The following EDARADD variants were observed in gnomAD, a reference collection of about 807,000 sequenced individuals.
The protein encoded by EDARADD is EDAR associated via death domain, also known as ectodysplasin-A receptor-associated adapter protein.
Under a neutral mutation model 25.6 loss-of-function variants are expected in EDARADD, and 20 were observed. The ratio of observed to expected loss-of-function variants is 0.78; its 90% confidence interval spans 0.55 to 1.14. The LOEUF (loss-of-function observed/expected upper bound fraction) is 1.14, where lower values mean the gene tolerates loss of function less well. Among genes scored for constraint, EDARADD ranks in the 50% most tolerant of loss-of-function variants. The pLI is 0.00. For missense variants in EDARADD, 225 were observed against 270.1 expected (o/e 0.83, Z 1.17); for synonymous variants, 86 against 94.4 (o/e 0.91, Z 0.52).
intron 3 of EDARADD, among the ~76,000 whole-genome samples, chr1:236,419,407 A>G (rs533235472): frequency 6.6e-6 from 1 of 152,286 alleles, no homozygotes; most frequent in African/African-American, 2.4e-5. Context: ...CAACAAAAAC[A>G]AAACTAAAAC....
chr1:236,393,836 A>C (rs895290790), upstream of EDARADD, among the ~76,000 whole-genome samples: 2 of 152,188 alleles, frequency 1.3e-5, no homozygotes, highest in African/African-American at 4.8e-5. Context: ...TTTTTTTGTA[A>C]AGTGCAAAAC....
chr1:236,393,391 C>CTTTCTTTTTTTTTTTTTTT (rs1553264552), upstream of EDARADD, among the ~76,000 whole-genome samples: 4 of 87,212 alleles, frequency 4.6e-5, no homozygotes, highest in African/African-American at 2.1e-4. Context: ...TTCTTTCTTT[C>CTTTCTTTTTTTTTTTTTTT]TTTTTTTTTT....
At chr1:236,391,302 C>T (rs114002031), upstream of EDARADD, among the ~76,000 whole-genome samples, 695 of 152,258 alleles carry the variant, frequency 4.6e-3, 5 homozygotes, top group African/African-American at 0.016. Flanking sequence ...CAGTGATTCT[C>T]AAGAAGAAAA....
At chr1:236,393,391 C>CTTTTTTTTTTTTTTTTT (rs761525038), upstream of EDARADD, among the ~76,000 whole-genome samples, 44 of 87,198 alleles carry the variant, frequency 5.0e-4, 4 homozygotes, top group African/African-American at 1.5e-3. Flanking sequence ...TTCTTTCTTT[C>CTTTTTTTTTTTTTTTTT]TTTTTTTTTT....
intron 3 of EDARADD, among the ~76,000 whole-genome samples, chr1:236,361,959 T>A (rs1467557602): frequency 6.6e-6 from 1 of 152,070 alleles, no homozygotes; most frequent in Non-Finnish European, 1.5e-5. Flanking sequence ...GGTAGACGTA[T>A]GTTTAACATT....
rs143753343 is a variant in EDARADD at position 236,457,606 on chromosome 1, G to A, written c.220-10625G>A. 7.2e-5 allele frequency among the ~76,000 whole-genome samples: 11 copies of A among 152,142 alleles called. No homozygotes were observed. In the East Asian group the frequency reaches 2.1e-3, roughly 29 times the overall value. On this transcript the variant is annotated intron_variant, in intron 4 of 5. Coordinates refer to ENST00000334232, the MANE Select transcript of EDARADD (RefSeq NM_145861.4). ...GAGGCTGAGGGGGGCGGACGAAGAGGTCAGGAGATAGAGACCATCCTGGCC... is the reference window on the plus strand; with the variant it reads ...GAGGCTGAGGGGGGCGGACGAAGAGATCAGGAGATAGAGACCATCCTGGCC...
chr1:236,476,147 G>A (rs957910870), intron 5 of EDARADD, among the ~76,000 whole-genome samples: 6 of 151,944 alleles, frequency 3.9e-5, no homozygotes, highest in African/African-American at 9.7e-5. Context: ...AGACAAAATC[G>A]TGCCATTGCA....
At position 236,409,122 on chromosome 1, in the gene EDARADD, T is replaced by C. The variant is rs1667790718; in HGVS notation, c.62-94T>C. The C allele has an allele frequency of 8.1e-6, 6 of 736,944 alleles. No homozygotes were observed. The South Asian group carries it at 1.2e-4, about 15-fold the overall frequency. 45.7% of individuals were successfully genotyped at this position (736,944 alleles called of 1,614,324 possible). ...TTTTCTTCAGCCTAAGTAAAATTAC[T>C]TGCCTCTGTATAGAGACAGTTATCA... On this transcript the variant is annotated intron_variant, in intron 1 of 5. Coordinates refer to ENST00000334232, the MANE Select transcript of EDARADD (RefSeq NM_145861.4).
intron 4 of EDARADD, among the ~76,000 whole-genome samples, chr1:236,435,089 AGG>A: frequency 6.6e-6 from 1 of 152,170 alleles, no homozygotes; most frequent in Non-Finnish European, 1.5e-5. Flanking sequence ...TACTGTGCTT[AGG>A]ATTCATGCAT....
intron 3 of EDARADD, among the ~76,000 whole-genome samples, chr1:236,362,934 G>C (rs1667066354): frequency 7.1e-6 from 1 of 141,268 alleles, no homozygotes. Context: ...GGGAAGCTGA[G>C]GTCAGAGAAT....
rs60808129 is a variant in EDARADD, at chr1:236,394,504, G to C, written c.60G>C (p.Glu20Asp). ...GCACTAAAGCTCCTGGTCACCAAGA[G>C]GGTATGTAGGCATTTGCTGTCTTCC... ...GRGTKAPGHQ[E>D]DHMVKEPVED... The change falls in exon 1 of 6, where the codon GAG (glutamate) becomes GAC (aspartate). Residue 20 changes from glutamate to aspartate, a missense_variant and splice_region_variant. By Grantham distance (45) the Glu-to-Asp change is conservative. Coordinates refer to ENST00000334232, the MANE Select transcript of EDARADD (RefSeq NM_145861.4). The C allele has an allele frequency of 6.2e-7, 1 of 1,612,894 alleles. No individual in the cohort carries two copies. Among genetic ancestry groups the C allele is most frequent in the African/African-American group, 1.3e-5 (1 of 74,888 alleles).
At chr1:236,468,448 AC>A (rs1167917017) in intron 5 of EDARADD, among the ~76,000 whole-genome samples, 172 bp downstream of exon 5, 14 of 151,730 alleles carry the variant, frequency 9.2e-5, no homozygotes, top group African/African-American at 3.1e-4. Flanking sequence ...ACATGGTAAA[AC>A]CCCGTCTCTA....
At chr1:236,353,005 G>A (rs550318502) in intron 3 of EDARADD, among the ~76,000 whole-genome samples, 5 of 131,520 alleles carry the variant, frequency 3.8e-5, no homozygotes, top group African/African-American at 8.2e-5. Context: ...GCAAGACTCC[G>A]TCTCTAAAAA....
rs1307926920 is a variant in EDARADD at position 236,482,525 on chromosome 1, C to T, written c.524C>T (p.Thr175Met). ...LEFLLRNSQR[T>M]VGQLMELCRL... The stretch of plus-strand genomic sequence containing the variant: ...TTCTTGCTCCGGAACAGTCAGAGGA[C>T]GGTGGGCCAGCTGATGGAGCTCTGC... The change falls in exon 6 of 6, where the codon ACG becomes ATG. Residue 175 changes from threonine (T) to methionine (M), a missense_variant. Transcript: ENST00000334232. 18 of 1,612,886 alleles carry T rather than the reference C, an allele frequency of 1.1e-5. No homozygotes were observed. Among genetic ancestry groups the T allele is most frequent in the Admixed American group, 1.7e-5 (1 of 59,978 alleles).
chr1:236,423,126 G>A (rs1185253641), intron 3 of EDARADD, among the ~76,000 whole-genome samples: 1 of 152,166 alleles, frequency 6.6e-6, no homozygotes, highest in Non-Finnish European at 1.5e-5. Flanking sequence ...GGGTCCTAGT[G>A]GGACTGCCTG....
chr1:236,476,339 A>C (rs1659503559), intron 5 of EDARADD, among the ~76,000 whole-genome samples: 1 of 152,174 alleles, frequency 6.6e-6, no homozygotes, highest in South Asian at 2.1e-4. Context: ...ACACCATTAC[A>C]TGTAATTCTG....
chr1:236,453,534 C>T (rs1446726667), intron 4 of EDARADD, among the ~76,000 whole-genome samples: 7 of 152,128 alleles, frequency 4.6e-5, no homozygotes, highest in African/African-American at 1.4e-4. Flanking sequence ...CCTTGGCCTC[C>T]CAAAGTGGTG....
intron 1 of EDARADD, among the ~76,000 whole-genome samples, chr1:236,405,899 TTC>T (rs1369642661): frequency 2.2e-5 from 1 of 45,686 alleles, no homozygotes; most frequent in Non-Finnish European, 4.8e-5. Context: ...CTTTCTTTCT[TTC>T]TTTCTTTCTT....
chr1:236,394,504 G>A lies in EDARADD; in HGVS notation c.60G>A (p.Glu20=), dbSNP rs60808129. The A allele has an allele frequency of 0.021, 33,775 of 1,612,996 alleles. 2,822 individuals carry two copies. In the East Asian group the frequency reaches 0.32, roughly 15 times the overall value. Residue 20 remains glutamate (E), a splice_region_variant and synonymous_variant, in exon 1 of 6, where the codon GAG becomes GAA. Coordinates refer to ENST00000334232, the MANE Select transcript of EDARADD (RefSeq NM_145861.4). ...GCACTAAAGCTCCTGGTCACCAAGA[G>A]GGTATGTAGGCATTTGCTGTCTTCC... ...GRGTKAPGHQ[E]DHMVKEPVED... is the part of the protein sequence containing the mutation.
Sources: allele counts gnomAD v4.1 joint callset (sites outside exome capture counted in the v4.1 genomes callset), GRCh38; gene constraint gnomAD v4.1.1; transcripts MANE v1.5; gene names NCBI Gene and HGNC (gene_info 2026-07-23, HGNC 2026-07-21).